Variants in MLLT10 observed in about 807,000 individuals in gnomAD.
MLLT10 encodes protein AF-10.
Under a neutral mutation model 129.1 loss-of-function variants are expected in MLLT10, and 30 were observed. That is an observed-to-expected ratio of 0.23 (90% CI 0.17 to 0.32). The LOEUF is 0.32. Among genes scored for constraint, MLLT10 ranks in the 10% least tolerant of loss-of-function variants. The probability of loss-of-function intolerance (pLI) is 1.00; values close to 1 mark genes in which losing one functional copy is unlikely to be tolerated. For missense variants in MLLT10, 1,119 were observed against 1,268.3 expected (o/e 0.88, Z 1.79); for synonymous variants, 490 against 446.4 (o/e 1.10, Z -1.23).
chr10:21,602,100 G>A (rs1410651607), intron 5 of MLLT10, among the ~76,000 whole-genome samples: 1 of 152,170 alleles, frequency 6.6e-6, no homozygotes, highest in Non-Finnish European at 1.5e-5. Flanking sequence ...AACAATTCTG[G>A]TATAAGCACC....
At chr10:21,552,791 T>G (rs763356911) in intron 3 of MLLT10, among the ~76,000 whole-genome samples, 1 of 152,146 alleles carries the variant, frequency 6.6e-6, no homozygotes, top group Non-Finnish European at 1.5e-5. Flanking sequence ...TCTGTTTATT[T>G]TCTTCTTCCT....
At chr10:21,589,134 T>C (rs2042265820) in intron 4 of MLLT10, among the ~76,000 whole-genome samples, 19 of 152,066 alleles carry the variant, frequency 1.2e-4, no homozygotes. Context: ...GCCCCTCATA[T>C]ATTATTATGC....
intron 5 of MLLT10, among the ~76,000 whole-genome samples, chr10:21,602,801 T>C (rs2043677189): frequency 6.6e-6 from 1 of 151,880 alleles, no homozygotes; most frequent in Non-Finnish European, 1.5e-5. Flanking sequence ...CAATCTCGGC[T>C]CACTGCAAGC....
At chr10:21,586,240 A>G (rs899265690) in intron 3 of MLLT10, 54 bp from the exon 4 acceptor site, 3 of 1,387,230 alleles carry the variant, frequency 2.2e-6, no homozygotes, top group African/African-American at 1.5e-5. Context: ...GGAAGATACT[A>G]CATTTTTGAT....
intron 5 of MLLT10, among the ~76,000 whole-genome samples, chr10:21,597,002 C>A (rs1161863212): frequency 6.6e-6 from 1 of 151,332 alleles, no homozygotes; most frequent in Non-Finnish European, 1.5e-5. Flanking sequence ...CAAAGAAAAT[C>A]TTTATATTAA....
chr10:21,722,261 GTC>G (rs2057187293), intron 14 of MLLT10, among the ~76,000 whole-genome samples: 1 of 152,158 alleles, frequency 6.6e-6, no homozygotes, highest in Non-Finnish European at 1.5e-5. Flanking sequence ...CAAGGAGAGT[GTC>G]TATTCACAAT....
At chr10:21,556,778 C>G in intron 3 of MLLT10, 4 of 1,597,546 alleles carry the variant, frequency 2.5e-6, no homozygotes, top group Non-Finnish European at 3.4e-6. Flanking sequence ...TGCTCTGATG[C>G]ATTGCTTTTG....
intron 3 of MLLT10, among the ~76,000 whole-genome samples, chr10:21,549,659 CTTTTT>C (rs11374255): frequency 8.2e-6 from 1 of 121,982 alleles, no homozygotes; most frequent in Non-Finnish European, 1.7e-5. Context: ...GAGTTGTACT[CTTTTT>C]TTTTTTTTTT....
At chr10:21,715,961 A>G (rs899189938) in intron 14 of MLLT10, among the ~76,000 whole-genome samples, 2 of 152,234 alleles carry the variant, frequency 1.3e-5, no homozygotes, top group African/African-American at 4.8e-5. Flanking sequence ...TCTGTCTTCA[A>G]GCTGAAGCTT....
chr10:21,724,387 C>G (rs970154911), intron 14 of MLLT10, among the ~76,000 whole-genome samples: 1 of 152,228 alleles, frequency 6.6e-6, no homozygotes, highest in African/African-American at 2.4e-5. Context: ...AGCTTCTTCT[C>G]TGTGTTATTT....
intron 13 of MLLT10, among the ~76,000 whole-genome samples, chr10:21,702,493 C>T (rs1254557102): frequency 6.6e-6 from 1 of 152,102 alleles, no homozygotes; most frequent in Non-Finnish European, 1.5e-5. Flanking sequence ...ATTTTCTGTG[C>T]CAGTGATCTA....
chr10:21,626,843 A>G (rs1023947474), intron 8 of MLLT10, among the ~76,000 whole-genome samples: 4 of 152,186 alleles, frequency 2.6e-5, no homozygotes, highest in African/African-American at 9.7e-5. Flanking sequence ...ACCTTTCAGC[A>G]TCTGTATATG....
intron 9 of MLLT10, among the ~76,000 whole-genome samples, chr10:21,662,511 A>G (rs979697803): frequency 2.0e-5 from 3 of 152,046 alleles, no homozygotes; most frequent in African/African-American, 7.2e-5. Flanking sequence ...TGATGATTCC[A>G]TCAAAGACAT....
At chr10:21,593,213 A>G (rs561083083) in intron 4 of MLLT10, among the ~76,000 whole-genome samples, 48 of 149,698 alleles carry the variant, frequency 3.2e-4, no homozygotes, top group African/African-American at 1.2e-3. Context: ...TCCCACCTCA[A>G]CCTCCTGAGT....
intron 9 of MLLT10, among the ~76,000 whole-genome samples, chr10:21,658,389 CT>C (rs1333721513): frequency 6.6e-6 from 1 of 152,140 alleles, no homozygotes; most frequent in Non-Finnish European, 1.5e-5. Flanking sequence ...TGTCTGGCAT[CT>C]TTCAGCATAA....
intron 3 of MLLT10, among the ~76,000 whole-genome samples, chr10:21,573,763 G>A (rs2040455632): frequency 6.6e-6 from 1 of 151,928 alleles, no homozygotes; most frequent in African/African-American, 2.4e-5. Context: ...GTTTCACCAT[G>A]TTGGCCAGGC....
At chr10:21,572,800 A>G (rs907246192) in intron 3 of MLLT10, among the ~76,000 whole-genome samples, 1 of 151,278 alleles carries the variant, frequency 6.6e-6, no homozygotes, top group Admixed American at 6.6e-5. Context: ...TTTAGTAGAG[A>G]TAGGGTTTCA....
chr10:21,738,045 G>A (rs1407897323), intron 21 of MLLT10, among the ~76,000 whole-genome samples: 1 of 152,030 alleles, frequency 6.6e-6, no homozygotes, highest in Non-Finnish European at 1.5e-5. Flanking sequence ...GGAGGTGGGC[G>A]GATCACGAGG....
In MLLT10 at chr10:21,701,911, T is replaced by G. The variant is rs568924213; in HGVS notation, c.1700-11861T>G. ...GTTATGTTATTTCTCTTCTCTTCTC[T>G]TCTCGTCTCGTCTCGTCTCGTCTCT... On this transcript the variant is annotated intron_variant, in intron 13 of 22. Transcript: ENST00000307729. Among the ~76,000 whole-genome samples, 47 of 150,366 alleles carry G rather than the reference T, an allele frequency of 3.1e-4. No homozygotes were observed. The South Asian group carries it at 6.5e-3, about 21-fold the overall frequency.
Sources: gnomAD v4.1 joint callset for allele counts (sites outside exome capture counted in the v4.1 genomes callset) on GRCh38, gnomAD v4.1.1 for gene constraint, MANE v1.5 for transcripts, NCBI Gene and HGNC (gene_info 2026-07-23, HGNC 2026-07-21) for gene names.